L3MBTL4: variants seen among roughly 807,000 people sequenced by gnomAD.
L3MBTL4 encodes the protein L3MBTL histone methyl-lysine binding protein 4.
A neutral mutation model predicts 84.5 loss-of-function variants in L3MBTL4; 70 were observed. The ratio of observed to expected loss-of-function variants is 0.83; its 90% CI spans 0.68 to 1.01. The LOEUF (loss-of-function observed/expected upper bound fraction) is 1.01, where lower values mean the gene tolerates loss of function less well. Among genes scored for constraint, L3MBTL4 ranks in the 50% least tolerant of loss-of-function variants. The probability of loss-of-function intolerance (pLI) is 0.00; values close to 1 mark genes in which losing one functional copy is unlikely to be tolerated. For synonymous variants in L3MBTL4, 274 were observed against 259.8 expected (o/e 1.05, Z -0.52); for missense variants, 715 against 754.8 (o/e 0.95, Z 0.62).
chr18:6,085,832 G>T (rs975111150), intron 15 of L3MBTL4, among the ~76,000 whole-genome samples: 2 of 152,126 alleles, frequency 1.3e-5, no homozygotes, highest in Non-Finnish European at 2.9e-5. Flanking sequence ...GTGCATACAT[G>T]AACATCAAAA....
At chr18:6,033,855 T>C (rs1259292428) in intron 16 of L3MBTL4, among the ~76,000 whole-genome samples, 2 of 152,232 alleles carry the variant, frequency 1.3e-5, no homozygotes, top group African/African-American at 4.8e-5. Context: ...TATATCTTTA[T>C]ACACTGTATG....
intron 1 of L3MBTL4, among the ~76,000 whole-genome samples, chr18:6,408,835 C>T (rs1178966355): frequency 2.0e-5 from 3 of 152,000 alleles, no homozygotes; most frequent in Admixed American, 1.3e-4. Context: ...GCATGCCACA[C>T]CAGGCTAATT....
chr18:6,088,658 A>C (rs544057363), intron 15 of L3MBTL4, among the ~76,000 whole-genome samples: 21 of 152,284 alleles, frequency 1.4e-4, no homozygotes, highest in African/African-American at 4.6e-4. Context: ...AGTGAGAAAA[A>C]GGCTGGTGGA....
intron 14 of L3MBTL4, among the ~76,000 whole-genome samples, chr18:6,098,971 G>A (rs1228809131): frequency 6.6e-6 from 1 of 152,096 alleles, no homozygotes; most frequent in Non-Finnish European, 1.5e-5. Context: ...AAGGAGAGAG[G>A]GCACTGAGAC....
intron 16 of L3MBTL4, among the ~76,000 whole-genome samples, chr18:5,990,598 G>A (rs1468802943): frequency 2.0e-5 from 3 of 152,142 alleles, no homozygotes; most frequent in African/African-American, 7.2e-5. Flanking sequence ...CTCTCCACAT[G>A]CCATCAATAT....
At chr18:6,254,001 G>C (rs1410743060) in intron 5 of L3MBTL4, among the ~76,000 whole-genome samples, 4 of 152,074 alleles carry the variant, frequency 2.6e-5, no homozygotes, top group African/African-American at 9.7e-5. Context: ...TTCTATTCTT[G>C]TTCAGACTAC....
intron 10 of L3MBTL4, among the ~76,000 whole-genome samples, chr18:6,227,964 G>T (rs1054467175): frequency 3.2e-4 from 48 of 152,188 alleles, no homozygotes; most frequent in African/African-American, 8.4e-4. Flanking sequence ...ATCATGCCAG[G>T]ACAAGAACAG....
At chr18:6,051,536 C>G (rs1851482075) in intron 16 of L3MBTL4, among the ~76,000 whole-genome samples, 1 of 145,338 alleles carries the variant, frequency 6.9e-6, no homozygotes, top group Admixed American at 7.0e-5. Context: ...AAGGCTCTGT[C>G]TCAAAAAAAA....
chr18:6,301,983 ATGG>A, intron 3 of L3MBTL4, 26 bp from the exon 4 acceptor site: 1 of 1,572,446 alleles, frequency 6.4e-7, no homozygotes, highest in South Asian at 1.1e-5. Flanking sequence ...TGGTGTTTAG[ATGG>A]TATTGCTGGA....
intron 10 of L3MBTL4, among the ~76,000 whole-genome samples, chr18:6,235,105 G>A (rs2047161756): frequency 6.6e-6 from 1 of 152,268 alleles, no homozygotes; most frequent in African/African-American, 2.4e-5. Flanking sequence ...ACTCATAGGT[G>A]GGAATTGAAC....
Position 6,311,577 on chromosome 18 carries a change from G to A in L3MBTL4, c.49C>T (p.Arg17Cys), listed in dbSNP as rs767272130. Reference sequence around the variant, plus strand: ...ACCAAGCGTCCGTCCTGATCCAAACGCTCTTTGGAATCCATATTAAGCTTC... The same window carrying A: ...ACCAAGCGTCCGTCCTGATCCAAACACTCTTTGGAATCCATATTAAGCTTC... ...KRKLNMDSKE[R>C]LDQDGRLEQA... Residue 17 changes from arginine (R) to cysteine (C), a missense_variant, in exon 3 of 19, where the codon CGT becomes TGT. By Grantham distance (180) the Arg-to-Cys change is radical. Transcript: ENST00000317931. 10 of 1,613,306 alleles carry A rather than the reference G, an allele frequency of 6.2e-6. No individual in the cohort carries two copies. The highest frequency in any genetic ancestry group is 4.4e-5 in the South Asian group (4 of 91,058).
chr18:5,965,868 C>T (rs1209014924), intron 17 of L3MBTL4, among the ~76,000 whole-genome samples: 1 of 152,138 alleles, frequency 6.6e-6, no homozygotes, highest in Non-Finnish European at 1.5e-5. Context: ...AATGGTTTTC[C>T]CTGGAGTGCA....
chr18:6,298,508 A>G (rs2050198112), intron 4 of L3MBTL4, among the ~76,000 whole-genome samples: 1 of 152,106 alleles, frequency 6.6e-6, no homozygotes, highest in African/African-American at 2.4e-5. Context: ...TAATGTAGAG[A>G]GTTTAATTTA....
At chr18:6,313,400 A>C (rs1375033641) in intron 1 of L3MBTL4, among the ~76,000 whole-genome samples, 1 of 152,204 alleles carries the variant, frequency 6.6e-6, no homozygotes, top group Non-Finnish European at 1.5e-5. Flanking sequence ...TTAATATACA[A>C]AACAAAAAAT....
intron 13 of L3MBTL4, among the ~76,000 whole-genome samples, chr18:6,168,882 T>C (rs1389455987): frequency 1.3e-5 from 2 of 151,798 alleles, no homozygotes; most frequent in Non-Finnish European, 2.9e-5. Context: ...ACCATCAGAG[T>C]GAACAGGCAA....
intron 14 of L3MBTL4, among the ~76,000 whole-genome samples, chr18:6,097,146 A>C (rs1409680374): frequency 6.6e-6 from 1 of 152,230 alleles, no homozygotes; most frequent in Non-Finnish European, 1.5e-5. Flanking sequence ...TTTACCAAAA[A>C]TGTCAGCCCC....
chr18:6,250,924 TG>T (rs1274446599), intron 5 of L3MBTL4, among the ~76,000 whole-genome samples: 2 of 152,222 alleles, frequency 1.3e-5, no homozygotes, highest in Admixed American at 1.3e-4. Context: ...GGGGACAAAA[TG>T]TCACTATTTT....
At chr18:6,321,937 A>T (rs879481304) in intron 1 of L3MBTL4, among the ~76,000 whole-genome samples, 1 of 152,184 alleles carries the variant, frequency 6.6e-6, no homozygotes, top group Non-Finnish European at 1.5e-5. Flanking sequence ...AAAAAACTAC[A>T]TATTTGGTAT....
chr18:6,173,937 C>T (rs1415899747), intron 12 of L3MBTL4, among the ~76,000 whole-genome samples: 8 of 151,966 alleles, frequency 5.3e-5, no homozygotes, highest in African/African-American at 1.5e-4. Context: ...TCACAAGTTC[C>T]GGGGAGAGGG....
Sources: gnomAD v4.1 joint callset for allele counts (sites outside exome capture counted in the v4.1 genomes callset) on GRCh38, gnomAD v4.1.1 for gene constraint, MANE v1.5 for transcripts, NCBI Gene and HGNC (gene_info 2026-07-23, HGNC 2026-07-21) for gene names.